SNX29: variants seen among roughly 807,000 people sequenced by gnomAD.
The protein encoded by SNX29 is sorting nexin 29.
Under a neutral mutation model 102.1 loss-of-function variants are expected in SNX29, and 78 were observed. The observed-to-expected ratio is 0.76, with a 90% CI of 0.64 to 0.92. The LOEUF is 0.92. Among genes scored for constraint, SNX29 ranks in the 40% least tolerant of loss-of-function variants. The probability of loss-of-function intolerance (pLI) is 0.00; values close to 1 mark genes in which losing one functional copy is unlikely to be tolerated. For missense variants in SNX29, 1,280 were observed against 1,061.7 expected, an observed-to-expected ratio of 1.21 and a Z score of -2.86; for synonymous variants, 580 against 414.5, an observed-to-expected ratio of 1.40 and a Z score of -4.85.
intron 4 of SNX29, among the ~76,000 whole-genome samples, chr16:12,028,232 T>A (rs1455670874): frequency 6.6e-6 from 1 of 152,350 alleles, no homozygotes; most frequent in South Asian, 2.1e-4. Flanking sequence ...CAGCCAAAAG[T>A]TGGACCTTGT....
intron 11 of SNX29, among the ~76,000 whole-genome samples, chr16:12,104,429 G>T (rs897703590): frequency 2.0e-5 from 3 of 152,140 alleles, no homozygotes; most frequent in African/African-American, 7.2e-5. Context: ...GGTGGTGCAT[G>T]CCTGTAATCC....
chr16:12,563,564 A>C (rs567401761), intron 20 of SNX29, among the ~76,000 whole-genome samples: 48 of 152,190 alleles, frequency 3.2e-4, no homozygotes, highest in Non-Finnish European at 5.7e-4. Context: ...GGTCTACCCC[A>C]CCCCTTTGGG....
intron 4 of SNX29, among the ~76,000 whole-genome samples, chr16:12,028,452 C>G (rs1328689452): frequency 1.3e-5 from 2 of 152,040 alleles, no homozygotes; most frequent in Non-Finnish European, 2.9e-5. Flanking sequence ...AAGCCTGGAA[C>G]TACTAGGCTC....
intron 16 of SNX29, chr16:12,374,373 G>A (rs1567495136): frequency 6.6e-6 from 1 of 152,234 alleles, no homozygotes; most frequent in East Asian, 1.9e-4. Flanking sequence ...ACAAGTGTCT[G>A]TTGCTCAGAA....
intron 15 of SNX29, among the ~76,000 whole-genome samples, chr16:12,298,372 G>A (rs2080050910): frequency 1.3e-5 from 2 of 152,306 alleles, no homozygotes; most frequent in South Asian, 2.1e-4. Context: ...CAGGGCTGAT[G>A]TTTATCACCT....
chr16:12,226,628 C>T (rs995439598), intron 14 of SNX29, among the ~76,000 whole-genome samples: 12 of 144,652 alleles, frequency 8.3e-5, no homozygotes, highest in African/African-American at 3.1e-4. Context: ...GGCTAGAGTA[C>T]ACTGGTGCAA....
chr16:12,483,335 C>T (rs79710449), intron 19 of SNX29, among the ~76,000 whole-genome samples: 63 of 128,186 alleles, frequency 4.9e-4, no homozygotes, highest in African/African-American at 9.8e-4. Flanking sequence ...TTTTTTTTTT[C>T]CAGACGGAGT....
At chr16:12,547,855 A>T (rs544531531) in intron 20 of SNX29, among the ~76,000 whole-genome samples, 2 of 152,192 alleles carry the variant, frequency 1.3e-5, no homozygotes, top group Non-Finnish European at 2.9e-5. Context: ...ACTGGAGTTT[A>T]GCAAAATGAG....
In SNX29 at chr16:12,084,022, G is replaced by A. The variant is rs535464006; in HGVS notation, c.1402+5107G>A. Reference sequence around the variant, plus strand: ...TGTTTTGTCCTGAGGCATTCAGAGGGACTGTATTCTTGTGGTTATTTACTA... The same window carrying A: ...TGTTTTGTCCTGAGGCATTCAGAGGAACTGTATTCTTGTGGTTATTTACTA... On this transcript the variant is annotated intron_variant, in intron 11 of 20. Coordinates refer to ENST00000566228, the MANE Select transcript of SNX29 (RefSeq NM_032167.5). Among the ~76,000 whole-genome samples the A allele has an allele frequency of 1.5e-4, 23 of 152,334 alleles. No homozygotes were observed. In the South Asian group the frequency reaches 4.8e-3, roughly 32 times the overall value.
intron 13 of SNX29, among the ~76,000 whole-genome samples, chr16:12,160,225 C>T (rs1423044103): frequency 1.3e-5 from 2 of 152,210 alleles, no homozygotes; most frequent in African/African-American, 2.4e-5. Flanking sequence ...ACTGCCTCCA[C>T]TCCACTTTCT....
intron 12 of SNX29, 23 bp downstream of exon 12, chr16:12,126,719 G>A: frequency 6.2e-7 from 1 of 1,613,054 alleles, no homozygotes; most frequent in Non-Finnish European, 8.5e-7. Context: ...TCAGGCTTGA[G>A]GAATAGCCTC....
intron 15 of SNX29, among the ~76,000 whole-genome samples, chr16:12,302,760 T>A (rs1485719773): frequency 1.3e-5 from 2 of 152,206 alleles, no homozygotes; most frequent in African/African-American, 4.8e-5. Flanking sequence ...TCCTGCTAGG[T>A]AATACCTTTT....
chr16:12,545,266 T>G (rs560533069), intron 20 of SNX29, among the ~76,000 whole-genome samples: 78 of 152,294 alleles, frequency 5.1e-4, no homozygotes, highest in African/African-American at 1.8e-3. Flanking sequence ...AAGAGTACTG[T>G]TGAGAAATTG....
In SNX29 at chr16:12,243,106, A is replaced by G. The variant is rs80159911; in HGVS notation, c.1679-34827A>G. Among the ~76,000 whole-genome samples the G allele has an allele frequency of 7.7e-3, 1,174 of 152,356 alleles. 10 individuals are homozygous for G. Among genetic ancestry groups the G allele is most frequent in the African/African-American group, 0.026 (1,097 of 41,572 alleles). On this transcript the variant is annotated intron_variant, in intron 14 of 20. Coordinates refer to ENST00000566228, the MANE Select transcript of SNX29 (RefSeq NM_032167.5). ...CTGGAATAATGGAACTGTGGGTGGC[A>G]CACAGCAGAGACACTATTTGTCTTC...
At chr16:12,466,146 G>A (rs1050604724) in intron 18 of SNX29, among the ~76,000 whole-genome samples, 1 of 152,102 alleles carries the variant, frequency 6.6e-6, no homozygotes, top group Non-Finnish European at 1.5e-5. Context: ...CCCATTCAGA[G>A]CAATTAGACA....
intron 15 of SNX29, among the ~76,000 whole-genome samples, chr16:12,285,234 T>C (rs2079556064): frequency 6.6e-6 from 1 of 152,206 alleles, no homozygotes; most frequent in Non-Finnish European, 1.5e-5. Flanking sequence ...CTCCCTCATG[T>C]TGTCTTCGGG....
At chr16:12,273,152 C>T (rs1015625997) in intron 14 of SNX29, among the ~76,000 whole-genome samples, 3 of 152,068 alleles carry the variant, frequency 2.0e-5, no homozygotes, top group East Asian at 1.9e-4. Flanking sequence ...CACTGTAGGC[C>T]GCCTCCCGCT....
chr16:12,299,028 G>A (rs558554716), intron 15 of SNX29, among the ~76,000 whole-genome samples: 243 of 151,114 alleles, frequency 1.6e-3, no homozygotes, highest in African/African-American at 5.3e-3. Context: ...GGCTGGGCAC[G>A]GTGGCTCATG....
Position 12,570,462 on chromosome 16 carries a change from G to A in SNX29, c.*1833G>A, listed in dbSNP as rs148516611. 118 of 235,836 alleles carry A rather than the reference G, an allele frequency of 5.0e-4. 1 individual carries two copies. The highest frequency in any genetic ancestry group is 2.2e-3 in the African/African-American group (101 of 45,474). 14.6% of individuals were successfully genotyped at this position (235,836 alleles called of 1,614,324 possible). ...GCCCTAATGGACTGAGGCAGGAAAC[G>A]TCTAAAAGCTCAATCTGCTGTATGT... On this transcript the variant is annotated 3_prime_UTR_variant, in exon 21 of 21. Coordinates refer to ENST00000566228, the MANE Select transcript of SNX29 (RefSeq NM_032167.5).
Sources: gnomAD v4.1 joint callset for allele counts (sites outside exome capture counted in the v4.1 genomes callset) on GRCh38, gnomAD v4.1.1 for gene constraint, MANE v1.5 for transcripts, NCBI Gene and HGNC (gene_info 2026-07-23, HGNC 2026-07-21) for gene names.